The following CTSV variants were observed in gnomAD, a reference collection of about 807,000 sequenced individuals.
The protein encoded by CTSV is cathepsin L2.
CTSV carries 33 observed loss-of-function variants against 35.6 expected under a neutral mutation model. The observed-to-expected ratio is 0.93, with a 90% confidence interval of 0.70 to 1.24. CTSV has a LOEUF of 1.24. Ranked by LOEUF, CTSV falls within the 50% of genes most tolerant of loss-of-function variation. The pLI, the probability that CTSV is intolerant of heterozygous loss-of-function variation, is 0.00. For missense variants in CTSV, 408 were observed against 413.1 expected (o/e 0.99, Z 0.11); for synonymous variants, 154 against 147.1 (o/e 1.05, Z -0.34).
intron 1 of CTSV, 31 bp from the exon 2 acceptor site, chr9:97,038,084 T>A (rs759431747): frequency 1.8e-5 from 28 of 1,597,474 alleles, no homozygotes; most frequent in Non-Finnish European, 2.4e-5. Context: ...AGTATCTGAT[T>A]AGACCAATCC....
intron 5 of CTSV, among the ~76,000 whole-genome samples, chr9:97,036,166 G>A (rs1828846300): frequency 6.6e-6 from 1 of 151,996 alleles, no homozygotes. Context: ...CGCCTCCCGG[G>A]TTCACGTCAT....
Position 97,036,743 on chromosome 9 carries a change from T to A in CTSV, c.401A>T (p.Gln134Leu), listed in dbSNP as rs1828858932. ...GYVTPVKNQK[Q>L]CGSCWAFSAT... The stretch of plus-strand genomic sequence containing the variant: ...ACTAAAAGCCCAACAAGAACCACAC[T>A]GTTTCTAAAAAGGGAGAAAAAAAAA... Residue 134 changes from glutamine (Q) to leucine (L), a missense_variant, in exon 5 of 8, where the codon CAG (glutamine) becomes CTG (leucine). By Grantham distance (113) the Gln-to-Leu change is moderately radical. Transcript: ENST00000259470. 1.9e-6 allele frequency: 3 copies of A among 1,589,050 alleles called. No individual in the cohort carries two copies. The highest frequency in any genetic ancestry group is 2.6e-6 in the Non-Finnish European group (3 of 1,170,532).
rs776630762 is a variant in CTSV, at chr9:97,037,322, G to A, written c.326C>T (p.Pro109Leu). ...AGATTTGGGAAGATCAAGAAACAGAGGCTCACGGAACACTTTCCCCTTCCT... is the reference window on the plus strand; with the variant it reads ...AGATTTGGGAAGATCAAGAAACAGAAGCTCACGGAACACTTTCCCCTTCCT... ...KFRKGKVFRE[P>L]LFLDLPKSVD... Residue 109 changes from proline (P) to leucine (L), a missense_variant, in exon 4 of 8, where the codon CCT becomes CTT. Coordinates refer to ENST00000259470, the MANE Select transcript of CTSV (RefSeq NM_001333.4). 8 of 1,614,176 alleles carry A rather than the reference G, an allele frequency of 5.0e-6. No homozygotes were observed. In the East Asian group the frequency reaches 1.6e-4, roughly 31 times the overall value.
rs1406904897 is a variant in CTSV at position 97,037,721 on chromosome 9, G to C, written c.127-106C>G. On this transcript the variant is annotated intron_variant, in intron 2 of 7. Coordinates refer to ENST00000259470, the MANE Select transcript of CTSV (RefSeq NM_001333.4). The stretch of plus-strand genomic sequence containing the variant: ...GGAAGAGAAACCATGGCCAGGGATG[G>C]GTTGATACTTCTCTGGGAGCTGTTC... 2.1e-5 allele frequency: 32 copies of C among 1,493,244 alleles called. No individual in the cohort carries two copies. The South Asian group carries it at 4.0e-4, about 19-fold the overall frequency. The allele number at this position is 1,493,244 out of a possible 1,614,324, so 92.5% of individuals were successfully genotyped here. A position where few individuals can be genotyped will look rare whatever the true frequency, so the allele number is the denominator to read the frequency against.
At chr9:97,035,408 TA>T (rs1828828250) in intron 6 of CTSV, 119 bp downstream of exon 6, 1 of 713,480 alleles carries the variant, frequency 1.4e-6, no homozygotes, top group Non-Finnish European at 2.0e-6. Context: ...CAAACATCAC[TA>T]TGTTAAATGC....
rs1054277800 is a variant in CTSV, at chr9:97,029,909, C to G, written c.*3040G>C. 5 of 152,184 alleles carry G rather than the reference C, an allele frequency of 3.3e-5. No individual in the cohort carries two copies. The highest frequency in any genetic ancestry group is 7.3e-5 in the Non-Finnish European group (5 of 68,050). The allele number at this position is 152,184 out of a possible 1,614,324, so 9.4% of individuals were successfully genotyped here. ...CACTGTGTTACAACTGTGTACAGTA[C>G]TCAGCACAGTGATGTGTTGCACAGG... On this transcript the variant is annotated 3_prime_UTR_variant, in exon 8 of 8. Coordinates refer to ENST00000259470, the MANE Select transcript of CTSV (RefSeq NM_001333.4).
Position 97,034,807 on chromosome 9 carries a change from A to G in CTSV, c.824T>C (p.Leu275Pro). 1.2e-6 allele frequency: 2 copies of G among 1,614,188 alleles called. No individual in the cohort carries two copies. The highest frequency in any genetic ancestry group is 3.3e-5 in the Admixed American group (2 of 60,018). Reference protein sequence around the residue: ...YFEPDCSSKNLDHGVLVVGYG... With the variant: ...YFEPDCSSKNPDHGVLVVGYG... Reference sequence around the variant, plus strand: ...GCCAACCACCAGAACACCATGATCCAGGTTTTTGCTGCTGCAGTCTGGTTC... The same window carrying G: ...GCCAACCACCAGAACACCATGATCCGGGTTTTTGCTGCTGCAGTCTGGTTC... Residue 275 changes from leucine (L) to proline (P), a missense_variant, in exon 7 of 8, where the codon CTG (leucine) becomes CCG (proline). By Grantham distance (98) the Leu-to-Pro change is moderately conservative. Transcript: ENST00000259470.
At chr9:97,036,797 A>T (rs1828860097) in intron 4 of CTSV, 50 bp from the exon 5 acceptor site, 1 of 1,384,794 alleles carries the variant, frequency 7.2e-7, no homozygotes. Context: ...CAATACAAAT[A>T]CAGTACCCCA....
chr9:97,033,379 C>T (rs539660475), intron 7 of CTSV, among the ~76,000 whole-genome samples: 4 of 148,540 alleles, frequency 2.7e-5, no homozygotes, highest in East Asian at 2.0e-4. Context: ...GAGGCTGAGG[C>T]GGGTGGATCA....
rs202043938 is a variant in CTSV, at chr9:97,036,731, C to G, written c.413G>C (p.Cys138Ser). The G allele has an allele frequency of 7.5e-6, 12 of 1,607,550 alleles. No individual in the cohort carries two copies. The highest frequency in any genetic ancestry group is 1.7e-5 in the Admixed American group (1 of 58,650). Residue 138 changes from cysteine to serine, a missense_variant, in exon 5 of 8, where the codon TGT becomes TCT. Physicochemically the swap from Cys to Ser is moderately radical, Grantham distance 112 (BLOSUM62 -1). Coordinates refer to ENST00000259470, the MANE Select transcript of CTSV (RefSeq NM_001333.4). Reference protein sequence around the residue: ...PVKNQKQCGSCWAFSATGALE... With the variant: ...PVKNQKQCGSSWAFSATGALE... ...AGCACCAGTCGCACTAAAAGCCCAA[C>G]AAGAACCACACTGTTTCTAAAAAGG... is the stretch of plus-strand genomic sequence containing the variant.
chr9:97,037,170 T>C, intron 4 of CTSV, 82 bp downstream of exon 4: 2 of 1,430,056 alleles, frequency 1.4e-6, no homozygotes, highest in Non-Finnish European at 1.9e-6. Flanking sequence ...CCATATGTTG[T>C]GCCACCATCT....
rs1828744066 is a variant in CTSV at position 97,031,430 on chromosome 9, T to A, written c.*1519A>T. 1 of 152,214 alleles carries A rather than the reference T, an allele frequency of 6.6e-6. No homozygotes were observed. Among genetic ancestry groups the A allele is most frequent in the African/African-American group, 2.4e-5 (1 of 41,454 alleles). The allele number at this position is 152,214 out of a possible 1,614,324, so 9.4% of individuals were successfully genotyped here. On this transcript the variant is annotated 3_prime_UTR_variant, in exon 8 of 8. Transcript: ENST00000259470. ...TTATTTGACTGGAAACATGGGCTTT[T>A]AAAACACACACAGGGCTCTCCTTTA...
In CTSV at chr9:97,037,960, C is replaced by T; in HGVS notation, c.84G>A (p.Lys28=). 2.5e-6 allele frequency: 4 copies of T among 1,614,132 alleles called. No individual in the cohort carries two copies. Among genetic ancestry groups the T allele is most frequent in the Non-Finnish European group, 3.4e-6 (4 of 1,180,030 alleles). ...TGTGTGTTGCCTTCCACTGGTACCACTTTGTATCCAAATTTTGGTCAAATT... is the reference window on the plus strand; with the variant it reads ...TGTGTGTTGCCTTCCACTGGTACCATTTTGTATCCAAATTTTGGTCAAATT... ...VPKFDQNLDT[K]WYQWKATHRR... is the part of the protein sequence containing the mutation. Residue 28 remains lysine, a synonymous_variant, in exon 2 of 8, where the codon AAG becomes AAA. Coordinates refer to ENST00000259470, the MANE Select transcript of CTSV (RefSeq NM_001333.4).
chr9:97,038,908 G>A (rs1458722369), intron 1 of CTSV, among the ~76,000 whole-genome samples, 163 bp downstream of exon 1: 8 of 152,058 alleles, frequency 5.3e-5, no homozygotes, highest in Non-Finnish European at 1.0e-4. Flanking sequence ...GCCTCCCTGG[G>A]GTCTCCAACC....
In CTSV at chr9:97,036,633, G is replaced by A. The variant is rs1331444584; in HGVS notation, c.511C>T (p.Arg171Cys). Reference protein sequence around the residue: ...LSEQNLVDCSRPQGNQGCNGG... With the variant: ...LSEQNLVDCSCPQGNQGCNGG... ...TTGCAGCCCTGATTGCCTTGAGGAC[G>A]CGAACAGTCCACCAGATTCTGCTCG... Residue 171 changes from arginine (R) to cysteine (C), a missense_variant, in exon 5 of 8, where the codon CGT becomes TGT. Coordinates refer to ENST00000259470, the MANE Select transcript of CTSV (RefSeq NM_001333.4). The A allele has an allele frequency of 3.1e-6, 5 of 1,613,838 alleles. No individual in the cohort carries two copies. Among genetic ancestry groups the A allele is most frequent in the Middle Eastern group, 1.6e-4 (1 of 6,084 alleles).
chr9:97,037,608 T>A lies in CTSV; in HGVS notation c.134A>T (p.Glu45Val), dbSNP rs1828877084. 1 of 1,613,998 alleles carries A rather than the reference T, an allele frequency of 6.2e-7. No individual in the cohort carries two copies. The change falls in exon 3 of 8, where the codon GAA (glutamate) becomes GTA (valine). Residue 45 changes from glutamate to valine, a missense_variant. Transcript: ENST00000259470. ...TTCCCACACTGCTCTCCTCCATCCTTCTTCATTCTAGAGGCAAACATATAG... is the reference window on the plus strand; with the variant it reads ...TTCCCACACTGCTCTCCTCCATCCTACTTCATTCTAGAGGCAAACATATAG... ...THRRLYGANE[E>V]GWRRAVWEKN...
chr9:97,034,124 G>A (rs1417087591), intron 7 of CTSV, among the ~76,000 whole-genome samples: 1 of 152,136 alleles, frequency 6.6e-6, no homozygotes, highest in Non-Finnish European at 1.5e-5. Context: ...ATGAATGAAT[G>A]AATATATTGA....
chr9:97,032,726 T>C lies in CTSV; in HGVS notation c.*223A>G. 1 of 395,726 alleles carries C rather than the reference T, an allele frequency of 2.5e-6. No individual in the cohort carries two copies. Among genetic ancestry groups the C allele is most frequent in the Non-Finnish European group, 4.4e-6 (1 of 224,802 alleles). The allele number at this position is 395,726 out of a possible 1,614,324, so 24.5% of individuals were successfully genotyped here. A position where few individuals can be genotyped will look rare whatever the true frequency, so the allele number is the denominator to read the frequency against. ...TTAAAAAATGAAAATTCAAAAGTCTTAGAATTAAGCAATGAGTCTTTGATA... is the reference window on the plus strand; with the variant it reads ...TTAAAAAATGAAAATTCAAAAGTCTCAGAATTAAGCAATGAGTCTTTGATA... On this transcript the variant is annotated 3_prime_UTR_variant, in exon 8 of 8. Coordinates refer to ENST00000259470, the MANE Select transcript of CTSV (RefSeq NM_001333.4).
intron 7 of CTSV, 78 bp from the exon 8 acceptor site, chr9:97,033,126 T>A: frequency 1.2e-6 from 1 of 864,274 alleles, no homozygotes; most frequent in Non-Finnish European, 1.9e-6. Flanking sequence ...TAGCTAATAC[T>A]TAAACAGTGC....
Sources: gnomAD v4.1 joint callset for allele counts (sites outside exome capture counted in the v4.1 genomes callset) on GRCh38, gnomAD v4.1.1 for gene constraint, MANE v1.5 for transcripts, NCBI Gene and HGNC (gene_info 2026-07-23, HGNC 2026-07-21) for gene names.